MYRIP: variants seen among roughly 807,000 people sequenced by gnomAD.
The protein encoded by MYRIP is rab effector MyRIP.
A neutral mutation model predicts 98.0 loss-of-function variants in MYRIP; 49 were observed. The observed-to-expected ratio is 0.50, with a 90% CI of 0.40 to 0.63. The LOEUF (loss-of-function observed/expected upper bound fraction) is 0.63, where lower values mean the gene tolerates loss of function less well. MYRIP is among the 30% of genes least tolerant of loss of function. MYRIP has a pLI of 0.00. For synonymous variants in MYRIP, 404 were observed against 409.5 expected (o/e 0.99, Z 0.16); for missense variants, 1,004 against 1,058.2 (o/e 0.95, Z 0.71).
At chr3:40,168,722 C>G (rs1030912457) in intron 7 of MYRIP, among the ~76,000 whole-genome samples, 13 of 152,220 alleles carry the variant, frequency 8.5e-5, no homozygotes, top group African/African-American at 3.1e-4. Flanking sequence ...AGGAAGCACA[C>G]AGTGCTTGTT....
chr3:40,181,368 T>C (rs1385625124), intron 8 of MYRIP, among the ~76,000 whole-genome samples: 2 of 152,170 alleles, frequency 1.3e-5, no homozygotes, highest in African/African-American at 2.4e-5. Context: ...GAGCACACTT[T>C]GCACTGGGAC....
intron 1 of MYRIP, among the ~76,000 whole-genome samples, chr3:39,834,882 A>C (rs572944724): frequency 6.6e-6 from 1 of 152,288 alleles, no homozygotes; most frequent in East Asian, 1.9e-4. Flanking sequence ...AATAAGGAAA[A>C]CTGAAAATGA....
At chr3:40,218,580 T>TAC (rs775687543) in intron 11 of MYRIP, among the ~76,000 whole-genome samples, 2,064 of 14,706 alleles carry the variant, frequency 0.14, 93 homozygotes, top group African/African-American at 0.19. Context: ...CATACACATT[T>TAC]ACACACACAC....
chr3:40,002,041 C>T (rs560284204), intron 2 of MYRIP, among the ~76,000 whole-genome samples: 1 of 152,122 alleles, frequency 6.6e-6, no homozygotes, highest in Non-Finnish European at 1.5e-5. Context: ...AGAAGTATTG[C>T]AGTTTGTGGC....
chr3:40,256,985 A>G (rs1953614258), intron 16 of MYRIP, among the ~76,000 whole-genome samples: 1 of 152,200 alleles, frequency 6.6e-6, no homozygotes, highest in African/African-American at 2.4e-5. Context: ...AGAGATGAAG[A>G]ATATGAAATA....
At chr3:40,039,243 C>A (rs1463120808) in intron 2 of MYRIP, among the ~76,000 whole-genome samples, 1 of 152,098 alleles carries the variant, frequency 6.6e-6, no homozygotes, top group Non-Finnish European at 1.5e-5. Context: ...GTCACATAGA[C>A]CATGCCTCAA....
intron 2 of MYRIP, among the ~76,000 whole-genome samples, chr3:39,965,081 C>A (rs1945409800): frequency 6.6e-6 from 1 of 152,002 alleles, no homozygotes; most frequent in South Asian, 2.1e-4. Flanking sequence ...AAGTATAGAG[C>A]AGTAATAATT....
intron 5 of MYRIP, among the ~76,000 whole-genome samples, chr3:40,166,347 T>C (rs981143277): frequency 3.9e-5 from 6 of 152,222 alleles, no homozygotes; most frequent in African/African-American, 9.7e-5. Flanking sequence ...TAAGCCATTC[T>C]GTGTGCTTAG....
At chr3:40,199,849 G>T (rs561754590) in intron 10 of MYRIP, among the ~76,000 whole-genome samples, 2 of 151,854 alleles carry the variant, frequency 1.3e-5, no homozygotes, top group Non-Finnish European at 2.9e-5. Context: ...TCATAATATG[G>T]CTGAAAGCAG....
At chr3:39,914,354 G>C (rs559115319) in intron 2 of MYRIP, among the ~76,000 whole-genome samples, 5 of 151,998 alleles carry the variant, frequency 3.3e-5, no homozygotes, top group African/African-American at 9.6e-5. Flanking sequence ...ATAAAACAAA[G>C]ATCTTCTGAT....
At chr3:39,813,720 A>G (rs77594642) in intron 1 of MYRIP, among the ~76,000 whole-genome samples, 1,564 of 152,282 alleles carry the variant, frequency 0.01, 24 homozygotes, top group African/African-American at 0.034. Flanking sequence ...TAGCCACTTA[A>G]GTGTAAGTAT....
chr3:40,030,667 A>G (rs375336254), intron 2 of MYRIP, among the ~76,000 whole-genome samples: 3 of 152,324 alleles, frequency 2.0e-5, no homozygotes, highest in African/African-American at 7.2e-5. Flanking sequence ...ATGTTGATGC[A>G]TGCTACAACA....
At chr3:39,876,890 C>A (rs1350105778) in intron 1 of MYRIP, among the ~76,000 whole-genome samples, 2 of 152,072 alleles carry the variant, frequency 1.3e-5, no homozygotes, top group African/African-American at 4.8e-5. Context: ...TGTTGGCCTG[C>A]CTTGCTAGAT....
At chr3:39,986,189 T>A (rs1036821487) in intron 2 of MYRIP, among the ~76,000 whole-genome samples, 1 of 152,190 alleles carries the variant, frequency 6.6e-6, no homozygotes. Context: ...CTTGAATTTT[T>A]GGTGGATATC....
At chr3:40,039,601 A>G (rs1441478429) in intron 2 of MYRIP, among the ~76,000 whole-genome samples, 1 of 152,144 alleles carries the variant, frequency 6.6e-6, no homozygotes, top group Non-Finnish European at 1.5e-5. Flanking sequence ...GTGGAAATAA[A>G]GAACATATAT....
At chr3:40,025,451 C>T (rs1183272285) in intron 2 of MYRIP, among the ~76,000 whole-genome samples, 1 of 151,970 alleles carries the variant, frequency 6.6e-6, no homozygotes, top group Non-Finnish European at 1.5e-5. Context: ...AAACTAAACG[C>T]AAAGTATACT....
chr3:40,253,565 T>G (rs1476352950), intron 16 of MYRIP, among the ~76,000 whole-genome samples: 2 of 152,194 alleles, frequency 1.3e-5, no homozygotes, highest in Non-Finnish European at 2.9e-5. Context: ...TGGAGCATAA[T>G]TCAACCTCCA....
At chr3:40,153,801 C>T (rs1469378091) in intron 4 of MYRIP, among the ~76,000 whole-genome samples, 1 of 152,168 alleles carries the variant, frequency 6.6e-6, no homozygotes. Context: ...ACTCCTTTCA[C>T]CTACAGAACG....
chr3:40,184,042 C>G (rs1351797808), intron 9 of MYRIP, among the ~76,000 whole-genome samples: 1 of 152,216 alleles, frequency 6.6e-6, no homozygotes, highest in African/African-American at 2.4e-5. Context: ...TGCAGAAATT[C>G]TGCAGCATGT....
Sources: gnomAD v4.1 joint callset for allele counts (sites outside exome capture counted in the v4.1 genomes callset) on GRCh38, gnomAD v4.1.1 for gene constraint, MANE v1.5 for transcripts, NCBI Gene and HGNC (gene_info 2026-07-23, HGNC 2026-07-21) for gene names.